Variants in SARDH observed in about 807,000 individuals in gnomAD.
The protein encoded by SARDH is sarcosine dehydrogenase, also known as sarcosine dehydrogenase, mitochondrial.
In SARDH, 95 loss-of-function variants were observed where a neutral mutation model predicts 109.1. That is an observed-to-expected ratio of 0.87 (90% CI 0.74 to 1.03). The LOEUF is 1.03. Ranked by LOEUF, SARDH falls within the 50% of genes least tolerant of loss-of-function variation. The pLI, the probability that SARDH is intolerant of heterozygous loss-of-function variation, is 0.00. For synonymous variants in SARDH, 572 were observed against 534.8 expected, an observed-to-expected ratio of 1.07 and a Z score of -0.96; for missense variants, 1,267 against 1,287.8, an observed-to-expected ratio of 0.98 and a Z score of 0.25.
At chr9:133,713,674 TGAGCCTCAGACAGAGGCCAG>T (rs1832014878) in intron 8 of SARDH, among the ~76,000 whole-genome samples, 1 of 152,230 alleles carries the variant, frequency 6.6e-6, no homozygotes, top group South Asian at 2.1e-4. Context: ...CGGCCACAGC[TGAGCCTCAGACAGAGGCCAG>T]GACACGGTGG....
Position 133,709,681 on chromosome 9 carries a change from T to C in SARDH, c.1329-1253A>G, listed in dbSNP as rs1208789088. Among the ~76,000 whole-genome samples, 1 of 152,152 alleles carries C rather than the reference T, an allele frequency of 6.6e-6. No individual in the cohort carries two copies. Among genetic ancestry groups the C allele is most frequent in the Non-Finnish European group, 1.5e-5 (1 of 68,032 alleles). Reference sequence around the variant, plus strand: ...ATGATATTATCATTAACAGCTGCTGTCGCTTATGGCACCCAGCTCCAGTGC... The same window carrying C: ...ATGATATTATCATTAACAGCTGCTGCCGCTTATGGCACCCAGCTCCAGTGC... On this transcript the variant is annotated intron_variant, in intron 10 of 20. Transcript: ENST00000439388. The surrounding 1 kb of genome is among the most constrained non-coding windows in gnomAD (Gnocchi z 4.2).
chr9:133,694,309 T>C lies in SARDH; in HGVS notation c.1870A>G (p.Ser624Gly). 4.5e-6 allele frequency: 7 copies of C among 1,550,544 alleles called. No individual in the cohort carries two copies. Among genetic ancestry groups the C allele is most frequent in the Non-Finnish European group, 5.2e-6 (6 of 1,146,906 alleles). The change falls in exon 15 of 21, where the codon AGC becomes GGC. Residue 624 changes from serine (S) to glycine (G), a missense_variant. Coordinates refer to ENST00000439388, the MANE Select transcript of SARDH (RefSeq NM_001134707.2). ...RGGTESDLTV[S>G]RLAPSHQASP... ...GCCTGGTGGCTGGGTGCCAGGCGGC[T>C]GACAGTCAGGTCACTCTCGGTGCCC... is the stretch of plus-strand genomic sequence containing the variant.
At chr9:133,726,368 A>AAATAATAATAATAATAATAATAATAAT (rs547588474) in intron 6 of SARDH, among the ~76,000 whole-genome samples, 5,610 of 113,908 alleles carry the variant, frequency 0.049, 240 homozygotes, top group African/African-American at 0.072. Context: ...ACCCTGTCTC[A>AAATAATAATAATAATAATAATAATAAT]AATAATAATA....
intron 15 of SARDH, 56 bp downstream of exon 15, chr9:133,694,202 C>G: frequency 1.5e-6 from 2 of 1,304,958 alleles, no homozygotes; most frequent in Non-Finnish European, 2.1e-6. Context: ...TCCACAACCA[C>G]CAGTCCACAG....
chr9:133,702,580 G>A (rs888325280), intron 13 of SARDH, among the ~76,000 whole-genome samples: 1 of 152,196 alleles, frequency 6.6e-6, no homozygotes, highest in African/African-American at 2.4e-5. Context: ...TGCCAGCCTC[G>A]GCGCAGCTCC....
In SARDH at chr9:133,734,222, C is replaced by G. The variant is rs1564303760; in HGVS notation, c.-30-19G>C. On this transcript the variant is annotated intron_variant, in intron 1 of 20. Coordinates refer to ENST00000439388, the MANE Select transcript of SARDH (RefSeq NM_001134707.2). ...CAGGGAGCTGGGGAGAGAATCAGAG[C>G]TGGGTGGGGTGCAGAGGGGACACGC... The G allele has an allele frequency of 6.8e-7, 1 of 1,469,706 alleles. No homozygotes were observed. Among genetic ancestry groups the G allele is most frequent in the Non-Finnish European group, 9.0e-7 (1 of 1,107,578 alleles). 91.0% of individuals were successfully genotyped at this position (1,469,706 alleles called of 1,614,324 possible). A position where few individuals can be genotyped will look rare whatever the true frequency, so the allele number is the denominator to read the frequency against.
intron 14 of SARDH, among the ~76,000 whole-genome samples, chr9:133,694,698 G>T (rs1831221775): frequency 6.6e-6 from 1 of 152,226 alleles, no homozygotes; most frequent in Non-Finnish European, 1.5e-5. Flanking sequence ...CTAGGGACAG[G>T]ATTCATGCCC....
At chr9:133,660,707 G>A (rs1832401614), downstream of SARDH, among the ~76,000 whole-genome samples, 3 of 152,164 alleles carry the variant, frequency 2.0e-5, no homozygotes, top group Admixed American at 6.5e-5. Context: ...CTGCTAGGGT[G>A]GCACAACCCC....
downstream of SARDH, among the ~76,000 whole-genome samples, chr9:133,661,801 A>G (rs1159472317): frequency 6.6e-6 from 1 of 152,192 alleles, no homozygotes; most frequent in Non-Finnish European, 1.5e-5. Flanking sequence ...CTTTCAAAAC[A>G]GTTTGCTCAG....
chr9:133,667,992 TA>T (rs1236205962), intron 19 of SARDH, among the ~76,000 whole-genome samples: 56 of 152,080 alleles, frequency 3.7e-4, no homozygotes, highest in African/African-American at 1.4e-3. Flanking sequence ...GGGCAGCTAT[TA>T]TGCAGCCTGA....
chr9:133,721,753 A>G (rs1267171257), intron 6 of SARDH, among the ~76,000 whole-genome samples: 2 of 152,224 alleles, frequency 1.3e-5, no homozygotes, highest in African/African-American at 2.4e-5. Flanking sequence ...TGACAGTTAT[A>G]TATACACATG....
rs150998618 is a variant in SARDH, at chr9:133,671,556, C to T, written c.2305G>A (p.Asp769Asn). ...TCACCTTTCTCAATGCTCAGGGAGT[C>T]GATGGCGCGGTACCCTGCGTTGATG... ...GLINAGYRAI[D>N]SLSIEKGYRH... is the part of the protein sequence containing the mutation. The change falls in exon 18 of 21, where the codon GAC becomes AAC. Residue 769 changes from aspartate (D) to asparagine (N), a missense_variant. Transcript: ENST00000439388. 226 of 1,608,508 alleles carry T rather than the reference C, an allele frequency of 1.4e-4. No homozygotes were observed. The African/African-American group carries it at 2.8e-3, about 20-fold the overall frequency.
At chr9:133,662,281 T>C (rs1254888032), downstream of SARDH, among the ~76,000 whole-genome samples, 1 of 152,162 alleles carries the variant, frequency 6.6e-6, no homozygotes, top group Non-Finnish European at 1.5e-5. This position sits in a 1 kb window ranked among gnomAD's most constrained non-coding sequence, Gnocchi z 5.1. Flanking sequence ...ACCCGGGCTC[T>C]GACCTCCCCT....
chr9:133,700,589 T>G (rs1399149067), intron 13 of SARDH, among the ~76,000 whole-genome samples: 1 of 152,094 alleles, frequency 6.6e-6, no homozygotes, highest in Non-Finnish European at 1.5e-5. Context: ...GATGAAAACA[T>G]TCTAAAACTA....
At chr9:133,722,642 G>GCGCTCTCT (rs1554758527) in intron 6 of SARDH, among the ~76,000 whole-genome samples, 2 of 145,748 alleles carry the variant, frequency 1.4e-5, no homozygotes, top group South Asian at 2.2e-4. Context: ...AACTACTAGC[G>GCGCTCTCT]CTCTCTCTCT....
chr9:133,723,446 G>A (rs1296847760), intron 6 of SARDH, among the ~76,000 whole-genome samples: 1 of 152,196 alleles, frequency 6.6e-6, no homozygotes, highest in Non-Finnish European at 1.5e-5. Flanking sequence ...CAGATCAATG[G>A]ATTAGAATTG....
intron 13 of SARDH, among the ~76,000 whole-genome samples, chr9:133,698,947 T>C (rs967210216): frequency 6.6e-6 from 1 of 152,166 alleles, no homozygotes; most frequent in African/African-American, 2.4e-5. Flanking sequence ...CTGCAAACAA[T>C]GCCATCAAGG....
In SARDH at chr9:133,685,243, C is replaced by T. The variant is rs775931677; in HGVS notation, c.2113G>A (p.Glu705Lys). 11 of 1,614,024 alleles carry T rather than the reference C, an allele frequency of 6.8e-6. No homozygotes were observed. Among genetic ancestry groups the T allele is most frequent in the African/African-American group, 4.0e-5 (3 of 75,032 alleles). Residue 705 changes from glutamate (E) to lysine (K), a missense_variant, in exon 17 of 21, where the codon GAG (glutamate) becomes AAG (lysine). Physicochemically the swap from Glu to Lys is moderately conservative, Grantham distance 56. Transcript: ENST00000439388. ...TTGTGGGTGGAGAACGGGAAGGCCT[C>T]GTTGCTCAGGTCTGCGTCCAGCACC... ...QEVLDADLSNEAFPFSTHKLL... is the reference protein window; with the variant it reads ...QEVLDADLSNKAFPFSTHKLL...
In SARDH at chr9:133,663,721, A is replaced by G. The variant is rs1829959036; in HGVS notation, c.*168T>C. 5.5e-6 allele frequency: 5 copies of G among 916,144 alleles called. No individual in the cohort carries two copies. In the East Asian group the frequency reaches 1.2e-4, roughly 23 times the overall value. The allele number at this position is 916,144 out of a possible 1,614,324, so 56.8% of individuals were successfully genotyped here. A position where few individuals can be genotyped will look rare whatever the true frequency, so the allele number is the denominator to read the frequency against. On this transcript the variant is annotated 3_prime_UTR_variant, in exon 21 of 21. Transcript: ENST00000439388. Reference sequence around the variant, plus strand: ...CCAGTCAGTGACCACAGGATGGGCCATCTTGGTCTCTGTCCGTATCTGGTT... The same window carrying G: ...CCAGTCAGTGACCACAGGATGGGCCGTCTTGGTCTCTGTCCGTATCTGGTT...
Sources: gnomAD v4.1 joint callset for allele counts (sites outside exome capture counted in the v4.1 genomes callset) on GRCh38, gnomAD v4.1.1 for gene constraint, Gnocchi (gnomAD v3.1) non-coding constraint, MANE v1.5 for transcripts, NCBI Gene and HGNC (gene_info 2026-07-23, HGNC 2026-07-21) for gene names.